The following UPF2 variants were observed in gnomAD, a reference collection of about 807,000 sequenced individuals.
UPF2 encodes UPF2 regulator of nonsense mediated mRNA decay.
UPF2 carries 17 observed loss-of-function variants against 141.4 expected under a neutral mutation model. That is an observed-to-expected ratio of 0.12 (90% CI 0.08 to 0.18). The LOEUF is 0.18. UPF2 is among the 10% of genes least tolerant of loss of function. UPF2 has a pLI of 1.00. For synonymous variants in UPF2, 540 were observed against 498.0 expected (o/e 1.08, Z -1.12); for missense variants, 1,152 against 1,515.9 (o/e 0.76, Z 3.99).
intron 2 of UPF2, among the ~76,000 whole-genome samples, chr10:12,032,933 A>G (rs1159398745): frequency 6.7e-6 from 1 of 149,292 alleles, no homozygotes; most frequent in Non-Finnish European, 1.5e-5. Flanking sequence ...TGGAGACTGC[A>G]GTACGTTATG....
At chr10:11,975,446 G>A (rs897131031) in intron 9 of UPF2, among the ~76,000 whole-genome samples, 11 of 152,128 alleles carry the variant, frequency 7.2e-5, no homozygotes, top group Non-Finnish European at 1.2e-4. Context: ...TTAAGTGTCC[G>A]TTTATTATAT....
chr10:12,010,645 C>T (rs573851010), intron 4 of UPF2, among the ~76,000 whole-genome samples: 21 of 151,902 alleles, frequency 1.4e-4, no homozygotes, highest in South Asian at 6.2e-4. Flanking sequence ...GGAGAGGTGA[C>T]GAAGAAGGAA....
chr10:12,026,592 A>G (rs941388747), intron 3 of UPF2: 14 of 449,184 alleles, frequency 3.1e-5, no homozygotes, highest in Non-Finnish European at 6.2e-5. Context: ...CAACCACTGG[A>G]CACTTCTGTA....
At chr10:11,995,331 GA>G (rs1833848481) in intron 8 of UPF2, among the ~76,000 whole-genome samples, 1 of 152,192 alleles carries the variant, frequency 6.6e-6, no homozygotes. Flanking sequence ...TAAGACTGAA[GA>G]AGTTGAAAAC....
Position 12,042,592 on chromosome 10 carries a change from G to C in UPF2, c.-19+163C>G, listed in dbSNP as rs1033315613. ...CGGAGACAGGGGGTCTGAGGAGAAC[G>C]ACGCCGGACCCGCGGTCCCTCCACT... is the stretch of plus-strand genomic sequence containing the variant. On this transcript the variant is annotated intron_variant, in intron 1 of 21. Coordinates refer to ENST00000357604, the MANE Select transcript of UPF2 (RefSeq NM_015542.4). The surrounding 1 kb of genome is among the most constrained non-coding windows in gnomAD (Gnocchi z 5.5). 6.6e-6 allele frequency among the ~76,000 whole-genome samples: 1 copy of C among 152,144 alleles called. No individual in the cohort carries two copies. The highest frequency in any genetic ancestry group is 2.4e-5 in the African/African-American group (1 of 41,440).
chr10:11,941,419 G>A lies in UPF2; in HGVS notation c.3378+1246C>T, dbSNP rs117940250. 8.5e-5 allele frequency among the ~76,000 whole-genome samples: 13 copies of A among 152,252 alleles called. No homozygotes were observed. The East Asian group carries it at 2.1e-3, about 25-fold the overall frequency. ...CATGTTATTTTAATATATAAAGAAAGAAGATCACCTAAGACACCTATAACA... is the reference window on the plus strand; with the variant it reads ...CATGTTATTTTAATATATAAAGAAAAAAGATCACCTAAGACACCTATAACA... On this transcript the variant is annotated intron_variant, in intron 18 of 21. Transcript: ENST00000357604.
In UPF2 at chr10:11,938,866, T is replaced by TTTTTTTTTTTTTTTG. The variant is rs1832895567; in HGVS notation, c.3379-2155_3379-2154insCAAAAAAAAAAAAAA. Among the ~76,000 whole-genome samples the TTTTTTTTTTTTTTTG allele has an allele frequency of 5.6e-5, 5 of 88,650 alleles. No individual in the cohort carries two copies. The East Asian group carries it at 2.2e-3, about 39-fold the overall frequency. The allele number at this position is 88,650 out of a possible 152,430, so 58.2% of individuals were successfully genotyped here. On this transcript the variant is annotated intron_variant, in intron 18 of 21. Transcript: ENST00000357604. ...AGTTTTTTTTTTGTTTTTTTTTTTT[T>TTTTTTTTTTTTTTTG]TTTTTTTTTTTTTTTTGGAGACGGA... is the stretch of plus-strand genomic sequence containing the variant.
At chr10:11,955,162 C>G in intron 14 of UPF2, 70 bp downstream of exon 14, 1 of 1,403,614 alleles carries the variant, frequency 7.1e-7, no homozygotes, top group South Asian at 1.8e-5. Flanking sequence ...CGTTTCTTCT[C>G]TCATAGTATT....
chr10:11,990,231 T>C (rs908140952), intron 8 of UPF2, among the ~76,000 whole-genome samples: 1 of 152,180 alleles, frequency 6.6e-6, no homozygotes, highest in Non-Finnish European at 1.5e-5. Flanking sequence ...CACATATTGT[T>C]TCTCTATAGT....
At chr10:12,036,227 T>C (rs1157505924) in intron 1 of UPF2, among the ~76,000 whole-genome samples, 1 of 152,196 alleles carries the variant, frequency 6.6e-6, no homozygotes, top group Non-Finnish European at 1.5e-5. Flanking sequence ...GGGGTCACCA[T>C]GTGCTCTGTA....
chr10:11,984,343 T>C (rs1417780254), intron 8 of UPF2, among the ~76,000 whole-genome samples: 2 of 152,250 alleles, frequency 1.3e-5, no homozygotes, highest in Admixed American at 1.3e-4. Context: ...TTTCAAGTGG[T>C]TTTAAAATAT....
intron 18 of UPF2, among the ~76,000 whole-genome samples, chr10:11,938,910 C>A (rs1156410126): frequency 3.8e-5 from 5 of 131,736 alleles, no homozygotes; most frequent in Non-Finnish European, 6.2e-5. Flanking sequence ...CTGTCCCCCC[C>A]ATGCAGAGAG....
chr10:11,932,648 C>A (rs1832796924), intron 19 of UPF2, among the ~76,000 whole-genome samples: 3 of 152,104 alleles, frequency 2.0e-5, no homozygotes, highest in Admixed American at 1.3e-4. Flanking sequence ...GCCTTTACTG[C>A]AGAGCTGCTA....
chr10:12,011,633 G>T (rs1365069997), intron 4 of UPF2, among the ~76,000 whole-genome samples: 1 of 140,030 alleles, frequency 7.1e-6, no homozygotes, highest in Admixed American at 7.4e-5. Flanking sequence ...TATTAATTCT[G>T]GAAAATGTCT....
chr10:12,027,190 C>T (rs913996350), intron 3 of UPF2, among the ~76,000 whole-genome samples: 8 of 152,136 alleles, frequency 5.3e-5, no homozygotes, highest in African/African-American at 1.9e-4. Flanking sequence ...GAGAACTGAG[C>T]TCCTTTGGGA....
rs1458484425 is a variant in UPF2, at chr10:12,028,889, A to G, written c.1001T>C (p.Phe334Ser). ...CTCACTAGGAGGAAAACTCAAATTAAACTTCTCTGCAGCACTCTTTACTTT... is the reference window on the plus strand; with the variant it reads ...CTCACTAGGAGGAAAACTCAAATTAGACTTCTCTGCAGCACTCTTTACTTT... ...PRKVKSAAEKFNLSFPPSEII... is the reference protein window; with the variant it reads ...PRKVKSAAEKSNLSFPPSEII... Residue 334 changes from phenylalanine to serine, a missense_variant, in exon 3 of 22, where the codon TTT becomes TCT. Phe to Ser is a radical substitution (Grantham distance 155, BLOSUM62 -2). Transcript: ENST00000357604. 4.3e-6 allele frequency: 7 copies of G among 1,614,140 alleles called. No individual in the cohort carries two copies. Among genetic ancestry groups the G allele is most frequent in the Non-Finnish European group, 5.9e-6 (7 of 1,180,020 alleles).
At chr10:12,015,191 G>A (rs1834196203) in intron 3 of UPF2, among the ~76,000 whole-genome samples, 1 of 152,152 alleles carries the variant, frequency 6.6e-6, no homozygotes, top group African/African-American at 2.4e-5. Context: ...ATTTTTACAA[G>A]TAATACTTAG....
chr10:11,943,280 T>A (rs781712017), intron 16 of UPF2, 112 bp from the exon 17 acceptor site: 27 of 934,644 alleles, frequency 2.9e-5, no homozygotes, highest in Non-Finnish European at 4.1e-5. Context: ...TTCTCAAGTT[T>A]TAGCTCTTTA....
At chr10:11,954,226 C>A (rs1213290334) in intron 14 of UPF2, among the ~76,000 whole-genome samples, 1 of 151,710 alleles carries the variant, frequency 6.6e-6, no homozygotes, top group African/African-American at 2.4e-5. Flanking sequence ...ATATAATAAC[C>A]CAACATTAAG....
Sources: gnomAD v4.1 joint callset for allele counts (sites outside exome capture counted in the v4.1 genomes callset) on GRCh38, gnomAD v4.1.1 for gene constraint, Gnocchi (gnomAD v3.1) non-coding constraint, MANE v1.5 for transcripts, NCBI Gene and HGNC (gene_info 2026-07-23, HGNC 2026-07-21) for gene names.